HDAC4: variants seen among roughly 807,000 people sequenced by gnomAD.
HDAC4 encodes the protein histone deacetylase 4, also known as histone deacetylase A.
In HDAC4, 16 loss-of-function variants were observed where a neutral mutation model predicts 135.1. The observed-to-expected ratio is 0.12, with a 90% CI of 0.08 to 0.18. HDAC4 has a LOEUF of 0.18. Ranked by LOEUF, HDAC4 falls within the 10% of genes least tolerant of loss-of-function variation. HDAC4 has a pLI of 1.00. For synonymous variants in HDAC4, 685 were observed against 653.4 expected, an observed-to-expected ratio of 1.05 and a Z score of -0.74; for missense variants, 1,143 against 1,511.8, an observed-to-expected ratio of 0.76 and a Z score of 4.05.
rs73100798 is a variant in HDAC4, at chr2:239,318,325, T to A, written c.22+34353A>T. Among the ~76,000 whole-genome samples, 602 of 152,318 alleles carry A rather than the reference T, an allele frequency of 4.0e-3. 4 individuals are homozygous for A. The highest frequency in any genetic ancestry group is 0.014 in the African/African-American group (581 of 41,570). On this transcript the variant is annotated intron_variant, in intron 2 of 26. Coordinates refer to ENST00000543185, the MANE Select transcript of HDAC4 (RefSeq NM_001378414.1). ...ACTGGAATCCAATCACGAGGAAACA[T>A]GCCGAAATCCCAAGCTGAAAAACAT...
intron 4 of HDAC4, chr2:239,187,070 A>T (rs2044600362): frequency 6.5e-6 from 1 of 152,710 alleles, no homozygotes; most frequent in Non-Finnish European, 1.5e-5. Flanking sequence ...AACGGCAAGG[A>T]CTGCAGGGCT....
At chr2:239,399,283 A>C (rs1415902067) in intron 1 of HDAC4, among the ~76,000 whole-genome samples, 1 of 152,218 alleles carries the variant, frequency 6.6e-6, no homozygotes, top group East Asian at 1.9e-4. Context: ...ATTATAATAG[A>C]GTAATTGTGT....
chr2:239,393,973 C>G (rs1696394851), intron 1 of HDAC4, among the ~76,000 whole-genome samples: 2 of 151,132 alleles, frequency 1.3e-5, no homozygotes, highest in South Asian at 4.2e-4. Flanking sequence ...ACCACCCCCC[C>G]TCCACCCCCA....
chr2:239,280,892 T>C (rs1460228725), intron 2 of HDAC4, among the ~76,000 whole-genome samples: 1 of 138,226 alleles, frequency 7.2e-6, no homozygotes. Flanking sequence ...CTCCACACAA[T>C]GTACACACCA....
rs2052643643 is a variant in HDAC4 at position 239,307,214 on chromosome 2, G to A, written c.22+45464C>T. Among the ~76,000 whole-genome samples the A allele has an allele frequency of 6.6e-6, 1 of 152,166 alleles. No homozygotes were observed. The highest frequency in any genetic ancestry group is 2.1e-4 in the South Asian group (1 of 4,824). ...CCCTGGGCACAAAGCCCAGGGCCTG[G>A]GGCAGGCTCCGTGCCCCAATGGTCA... On this transcript the variant is annotated intron_variant, in intron 2 of 26. Transcript: ENST00000543185. The surrounding 1 kb of genome is among the most constrained non-coding windows in gnomAD (Gnocchi z 4.8).
chr2:239,109,691 T>C (rs1575060551), intron 14 of HDAC4, among the ~76,000 whole-genome samples: 1 of 151,624 alleles, frequency 6.6e-6, no homozygotes, highest in East Asian at 1.9e-4. Context: ...ACACTGTGTG[T>C]GGGCATGGCT....
chr2:239,215,827 C>T (rs974164065), intron 3 of HDAC4, among the ~76,000 whole-genome samples: 2 of 152,164 alleles, frequency 1.3e-5, no homozygotes, highest in African/African-American at 4.8e-5. Context: ...TGGGGGTCTG[C>T]GAATCTTGGT....
At chr2:239,342,813 C>T (rs563312609) in intron 2 of HDAC4, among the ~76,000 whole-genome samples, 1 of 151,914 alleles carries the variant, frequency 6.6e-6, no homozygotes, top group South Asian at 2.1e-4. Context: ...GCTCAGGATC[C>T]TCACAGACAA....
chr2:239,156,897 CCT>C, intron 6 of HDAC4, 124 bp from the exon 7 acceptor site: 1 of 909,842 alleles, frequency 1.1e-6, no homozygotes, highest in African/African-American at 1.7e-5. Flanking sequence ...AACAGACACA[CCT>C]TTTCCCTAGG....
intron 18 of HDAC4, 25 bp from the exon 19 acceptor site, chr2:239,087,639 G>A: frequency 6.2e-7 from 1 of 1,611,930 alleles, no homozygotes; most frequent in Non-Finnish European, 8.5e-7. Flanking sequence ...AGACAGCCAG[G>A]AGAGAGCAAC....
Position 239,298,113 on chromosome 2 carries a change from A to T in HDAC4, c.22+54565T>A, listed in dbSNP as rs551527804. The T allele has an allele frequency of 1.6e-5, 15 of 957,322 alleles. No homozygotes were observed. The South Asian group carries it at 1.9e-4, about 12-fold the overall frequency. The allele number at this position is 957,322 out of a possible 1,614,324, so 59.3% of individuals were successfully genotyped here. A position where few individuals can be genotyped will look rare whatever the true frequency, so the allele number is the denominator to read the frequency against. On this transcript the variant is annotated intron_variant, in intron 2 of 26. Transcript: ENST00000543185. ...TAAAATATTTCACAGGATAAAAAAA[A>T]TTAATGGACTAAAACATAAACAAGA...
intron 3 of HDAC4, among the ~76,000 whole-genome samples, chr2:239,227,263 C>T (rs993224110): frequency 6.6e-6 from 1 of 152,180 alleles, no homozygotes; most frequent in Non-Finnish European, 1.5e-5. Context: ...GACTACTACC[C>T]TCTGGAGAGG....
At chr2:239,159,759 C>G (rs777459719) in intron 6 of HDAC4, among the ~76,000 whole-genome samples, 1 of 152,260 alleles carries the variant, frequency 6.6e-6, no homozygotes, top group Non-Finnish European at 1.5e-5. Context: ...GCAGAACCTA[C>G]AGAGCTGCTC....
rs996391860 is a variant in HDAC4 at position 239,068,822 on chromosome 2, C to T, written c.2751-215G>A. ...GTGATCCAGGCTCATTTCACATCTT[C>T]ACAGTGCAAGCCAGCAAGCCCCACG... On this transcript the variant is annotated intron_variant, in intron 22 of 26. Transcript: ENST00000543185. The surrounding 1 kb of genome is among the most constrained non-coding windows in gnomAD (Gnocchi z 4.4). The T allele has an allele frequency of 2.6e-5, 16 of 619,588 alleles. 1 individual carries two copies. The Admixed American group carries it at 3.0e-4, about 12-fold the overall frequency. 38.4% of individuals were successfully genotyped at this position (619,588 alleles called of 1,614,324 possible). A position where few individuals can be genotyped will look rare whatever the true frequency, so the allele number is the denominator to read the frequency against.
intron 2 of HDAC4, among the ~76,000 whole-genome samples, chr2:239,322,664 G>A (rs2053353129): frequency 6.6e-6 from 1 of 152,234 alleles, no homozygotes; most frequent in African/African-American, 2.4e-5. Flanking sequence ...GCATGTAGCA[G>A]ATGCTCACAA....
At chr2:239,264,867 C>A (rs1455229539) in intron 2 of HDAC4, among the ~76,000 whole-genome samples, 1 of 152,238 alleles carries the variant, frequency 6.6e-6, no homozygotes, top group Non-Finnish European at 1.5e-5. Flanking sequence ...TTCCGGGGAC[C>A]TGAAGGCCCC....
intron 1 of HDAC4, among the ~76,000 whole-genome samples, chr2:239,386,449 C>T (rs1412351480): frequency 6.6e-6 from 1 of 152,222 alleles, no homozygotes; most frequent in African/African-American, 2.4e-5. Context: ...CCAAGAGGAG[C>T]GTCAGCTGAG....
rs561600148 is a variant in HDAC4, at chr2:239,146,624, G to A, written c.734-1910C>T. Among the ~76,000 whole-genome samples the A allele has an allele frequency of 7.2e-5, 11 of 152,256 alleles. No homozygotes were observed. The highest frequency in any genetic ancestry group is 2.6e-4 in the African/African-American group (11 of 41,554). Reference sequence around the variant, plus strand: ...CAGGCGGCAGATCCTCCACAGCCCTGCCGGGCACTCCAGACTCTTTGTGCA... The same window carrying A: ...CAGGCGGCAGATCCTCCACAGCCCTACCGGGCACTCCAGACTCTTTGTGCA... On this transcript the variant is annotated intron_variant, in intron 7 of 26. Coordinates refer to ENST00000543185, the MANE Select transcript of HDAC4 (RefSeq NM_001378414.1). This position sits in a 1 kb window ranked among gnomAD's most constrained non-coding sequence, Gnocchi z 4.5.
rs1175329364 is a variant in HDAC4, at chr2:239,049,143, A to G, written c.*3954T>C. On this transcript the variant is annotated 3_prime_UTR_variant, in exon 27 of 27. Coordinates refer to ENST00000543185, the MANE Select transcript of HDAC4 (RefSeq NM_001378414.1). ...TAAACTCTATTATTGGTATGTCACAAGTGCTAGATAAACTTTTTTTCTTAA... is the reference window on the plus strand; with the variant it reads ...TAAACTCTATTATTGGTATGTCACAGGTGCTAGATAAACTTTTTTTCTTAA... 1 of 152,398 alleles carries G rather than the reference A, an allele frequency of 6.6e-6. No individual in the cohort carries two copies. The highest frequency in any genetic ancestry group is 6.5e-5 in the Admixed American group (1 of 15,288). 9.4% of individuals were successfully genotyped at this position (152,398 alleles called of 1,614,324 possible).
Sources: allele counts gnomAD v4.1 joint callset (sites outside exome capture counted in the v4.1 genomes callset), GRCh38; gene constraint gnomAD v4.1.1; non-coding constraint Gnocchi (gnomAD v3.1); transcripts MANE v1.5; gene names NCBI Gene and HGNC (gene_info 2026-07-23, HGNC 2026-07-21).